Variants in SEC63 observed in about 807,000 individuals in gnomAD.
SEC63 encodes translocation protein SEC63 homolog.
In SEC63, 56 loss-of-function variants were observed where a neutral mutation model predicts 116.2. The observed-to-expected ratio is 0.48, with a 90% CI of 0.39 to 0.60. SEC63 has a LOEUF of 0.60. Ranked by LOEUF, SEC63 falls within the 20% of genes least tolerant of loss-of-function variation. The pLI, the probability that SEC63 is intolerant of heterozygous loss-of-function variation, is 0.00. For synonymous variants in SEC63, 273 were observed against 294.6 expected, an observed-to-expected ratio of 0.93 and a Z score of 0.75; for missense variants, 668 against 900.0, an observed-to-expected ratio of 0.74 and a Z score of 3.30.
At chr6:107,938,266 G>C (rs1025547803) in intron 1 of SEC63, among the ~76,000 whole-genome samples, 1 of 32,756 alleles carries the variant, frequency 3.1e-5, no homozygotes, top group African/African-American at 1.1e-4. Context: ...TTTTTTTTTT[G>C]AGACAGGGTC....
chr6:107,876,875 T>C (rs139631834), intron 18 of SEC63: 61 of 524,372 alleles, frequency 1.2e-4, no homozygotes, highest in African/African-American at 1.1e-3. Context: ...GTATGCAATT[T>C]TGGGGATTTC....
At chr6:107,914,147 T>G (rs1037197964) in intron 4 of SEC63, among the ~76,000 whole-genome samples, 5 of 152,124 alleles carry the variant, frequency 3.3e-5, no homozygotes, top group African/African-American at 9.7e-5. Flanking sequence ...AAGAATAACT[T>G]TATTCCAGTT....
At position 107,921,915 on chromosome 6, in the gene SEC63, G is replaced by GGT; in HGVS notation, c.340-7_340-6insAC. ...ATTTCTGCTACTGTGGCTCCCTGGG[G>GGT]AAAAACAAAAAAAAAAAACAAGCTT... is the stretch of plus-strand genomic sequence containing the variant. On this transcript the variant is annotated splice_region_variant and splice_polypyrimidine_tract_variant and intron_variant, in intron 3 of 20. Coordinates refer to ENST00000369002, the MANE Select transcript of SEC63 (RefSeq NM_007214.5). The GGT allele has an allele frequency of 9.1e-7, 1 of 1,104,748 alleles. No homozygotes were observed. Among genetic ancestry groups the GGT allele is most frequent in the Non-Finnish European group, 1.2e-6 (1 of 814,550 alleles). 68.4% of individuals were successfully genotyped at this position (1,104,748 alleles called of 1,614,324 possible). A position where few individuals can be genotyped will look rare whatever the true frequency, so the allele number is the denominator to read the frequency against.
At chr6:107,918,245 C>CA (rs34044690) in intron 4 of SEC63, among the ~76,000 whole-genome samples, 17 of 147,064 alleles carry the variant, frequency 1.2e-4, no homozygotes, top group African/African-American at 1.7e-4. Context: ...GAGACCTGCT[C>CA]AAAAAAAAAA....
In SEC63 at chr6:107,958,035, T is replaced by C; in HGVS notation, c.-26A>G. 2 of 1,611,928 alleles carry C rather than the reference T, an allele frequency of 1.2e-6. No homozygotes were observed. Among genetic ancestry groups the C allele is most frequent in the Non-Finnish European group, 1.7e-6 (2 of 1,178,962 alleles). On this transcript the variant is annotated 5_prime_UTR_variant, in exon 1 of 21. Coordinates refer to ENST00000369002, the MANE Select transcript of SEC63 (RefSeq NM_007214.5). The stretch of plus-strand genomic sequence containing the variant: ...GGCACCCCCTCCTCCGCCTCGCTCT[T>C]CTCACCGCCGCCGCCACGACCACGC...
intron 4 of SEC63, among the ~76,000 whole-genome samples, chr6:107,914,702 T>C (rs896120560): frequency 1.3e-5 from 2 of 152,204 alleles, no homozygotes; most frequent in Admixed American, 1.3e-4. Context: ...AATTTTGTCC[T>C]AGATCCCCTG....
intron 8 of SEC63, among the ~76,000 whole-genome samples, chr6:107,908,171 G>A (rs561292540): frequency 2.4e-4 from 37 of 152,032 alleles, no homozygotes; most frequent in South Asian, 1.9e-3. Flanking sequence ...TTTTGGTCCC[G>A]GAGACACAAT....
chr6:107,868,760 G>C lies in SEC63; in HGVS notation c.*2944C>G, dbSNP rs1269936513. On this transcript the variant is annotated 3_prime_UTR_variant, in exon 21 of 21. Transcript: ENST00000369002. ...CATCTACCTGCTCTAACACCAGCGAGTGAGTTCTTAACACTATTTTTTTCA... is the reference window on the plus strand; with the variant it reads ...CATCTACCTGCTCTAACACCAGCGACTGAGTTCTTAACACTATTTTTTTCA... 2 of 151,876 alleles carry C rather than the reference G, an allele frequency of 1.3e-5. No individual in the cohort carries two copies. Among genetic ancestry groups the C allele is most frequent in the Admixed American group, 6.6e-5 (1 of 15,244 alleles). The allele number at this position is 151,876 out of a possible 1,614,324, so 9.4% of individuals were successfully genotyped here.
chr6:107,936,926 T>A (rs1193671465), intron 1 of SEC63, among the ~76,000 whole-genome samples: 1 of 152,172 alleles, frequency 6.6e-6, no homozygotes, highest in African/African-American at 2.4e-5. Context: ...TAGACCTCAG[T>A]GTCAATTGTT....
chr6:107,955,297 G>A (rs1770689348), intron 1 of SEC63, among the ~76,000 whole-genome samples: 1 of 152,110 alleles, frequency 6.6e-6, no homozygotes, highest in South Asian at 2.1e-4. Flanking sequence ...CGGGTAGCTG[G>A]AATTACAGGC....
chr6:107,909,589 A>C (rs1787229480), intron 7 of SEC63, among the ~76,000 whole-genome samples: 2 of 152,114 alleles, frequency 1.3e-5, no homozygotes, highest in South Asian at 2.1e-4. Flanking sequence ...CATATATATA[A>C]TCAAAACATT....
At chr6:107,953,544 C>A (rs1770624893) in intron 1 of SEC63, among the ~76,000 whole-genome samples, 1 of 142,088 alleles carries the variant, frequency 7.0e-6, no homozygotes, top group Admixed American at 7.0e-5. Context: ...CCCCGCCCGG[C>A]CAGCCGCCCC....
intron 10 of SEC63, among the ~76,000 whole-genome samples, chr6:107,905,268 C>T (rs1319561375): frequency 6.6e-6 from 1 of 152,188 alleles, no homozygotes; most frequent in Non-Finnish European, 1.5e-5. Flanking sequence ...CTGTACAGAA[C>T]ATTAGCAACA....
At chr6:107,888,074 G>A (rs1399775000) in intron 16 of SEC63, among the ~76,000 whole-genome samples, 6 of 152,066 alleles carry the variant, frequency 3.9e-5, no homozygotes, top group African/African-American at 1.2e-4. Flanking sequence ...TTGGCTATGC[G>A]GGCTCTTTTT....
At chr6:107,896,958 A>G (rs768015744) in intron 14 of SEC63, among the ~76,000 whole-genome samples, 10 of 151,754 alleles carry the variant, frequency 6.6e-5, no homozygotes, top group Non-Finnish European at 1.5e-4. Flanking sequence ...CCAGTCTGGG[A>G]AACAAGGGTG....
At chr6:107,914,758 A>G (rs1028138817) in intron 4 of SEC63, among the ~76,000 whole-genome samples, 7 of 152,046 alleles carry the variant, frequency 4.6e-5, no homozygotes, top group African/African-American at 1.7e-4. Context: ...TTCTTTCACT[A>G]TTGTCTTCTA....
chr6:107,911,334 GC>G lies in SEC63; in HGVS notation c.624+11del, dbSNP rs1378172052. On this transcript the variant is annotated intron_variant, in intron 7 of 20. Coordinates refer to ENST00000369002, the MANE Select transcript of SEC63 (RefSeq NM_007214.5). ...TCCAAAAAAAACATTAACTTAAAAA[GC>G]TAAAACTTACCACAACAACTGGAAG... 6.3e-7 allele frequency: 1 copy of G among 1,588,468 alleles called. No individual in the cohort carries two copies. The highest frequency in any genetic ancestry group is 1.7e-5 in the Admixed American group (1 of 59,920).
chr6:107,879,509 G>A (rs544443347), intron 18 of SEC63, among the ~76,000 whole-genome samples: 9 of 152,214 alleles, frequency 5.9e-5, no homozygotes, highest in African/African-American at 2.2e-4. Flanking sequence ...ATTTTTAGTA[G>A]AGACGGGGTT....
chr6:107,934,067 G>C (rs922506446), intron 1 of SEC63, among the ~76,000 whole-genome samples: 27 of 152,278 alleles, frequency 1.8e-4, no homozygotes, highest in Middle Eastern at 3.4e-3. Context: ...ATCTTGGCTC[G>C]CTACAACCTC....
Sources: allele counts gnomAD v4.1 joint callset (sites outside exome capture counted in the v4.1 genomes callset), GRCh38; gene constraint gnomAD v4.1.1; transcripts MANE v1.5; gene names NCBI Gene and HGNC (gene_info 2026-07-23, HGNC 2026-07-21).